MAST4: variants seen among roughly 807,000 people sequenced by gnomAD.
MAST4 encodes microtubule associated serine/threonine kinase family member 4.
A neutral mutation model predicts 162.7 loss-of-function variants in MAST4; 89 were observed. The ratio of observed to expected loss-of-function variants is 0.55; its 90% CI spans 0.46 to 0.65. The LOEUF (loss-of-function observed/expected upper bound fraction) is 0.65, where lower values mean the gene tolerates loss of function less well. Among genes scored for constraint, MAST4 ranks in the 30% least tolerant of loss-of-function variants. The pLI, the probability that MAST4 is intolerant of heterozygous loss-of-function variation, is 0.00. For synonymous variants in MAST4, 1,479 were observed against 1,361.1 expected (o/e 1.09, Z -1.91); for missense variants, 3,153 against 3,374.0 (o/e 0.93, Z 1.62).
At position 66,947,886 on chromosome 5, in the gene MAST4, A is replaced by T. The variant is rs567987544; in HGVS notation, c.674+47904A>T. On this transcript the variant is annotated intron_variant, in intron 4 of 28. Transcript: ENST00000403625. Reference sequence around the variant, plus strand: ...ATGTGAGGAGGCAGCATGACACTGAAATTGGTGAAGATACATTAATACTTA... The same window carrying T: ...ATGTGAGGAGGCAGCATGACACTGATATTGGTGAAGATACATTAATACTTA... 9.2e-5 allele frequency among the ~76,000 whole-genome samples: 14 copies of T among 152,306 alleles called. 1 individual carries two copies. The South Asian group carries it at 2.9e-3, about 32-fold the overall frequency.
intron 3 of MAST4, among the ~76,000 whole-genome samples, chr5:66,843,380 G>A (rs1392953723): frequency 6.6e-6 from 1 of 152,126 alleles, no homozygotes; most frequent in Non-Finnish European, 1.5e-5. Context: ...TCTGTCATTT[G>A]ATCTACAAGT....
chr5:66,673,313 C>T (rs1580161363), intron 1 of MAST4, among the ~76,000 whole-genome samples: 2 of 151,984 alleles, frequency 1.3e-5, no homozygotes, highest in African/African-American at 4.8e-5. Flanking sequence ...TTATAGTCAT[C>T]AGTTTTATTG....
chr5:66,698,320 C>G (rs1002336838), intron 1 of MAST4, among the ~76,000 whole-genome samples: 7 of 152,036 alleles, frequency 4.6e-5, no homozygotes, highest in African/African-American at 1.7e-4. Context: ...TTCCCTCCTC[C>G]TCTCCTTGTC....
At chr5:67,156,907 T>C (rs1772605357) in intron 26 of MAST4, among the ~76,000 whole-genome samples, 1 of 152,264 alleles carries the variant, frequency 6.6e-6, no homozygotes, top group Non-Finnish European at 1.5e-5. Context: ...TGACTTCTGC[T>C]ATTGTATTCA....
chr5:66,921,950 C>T (rs535392365), intron 4 of MAST4, among the ~76,000 whole-genome samples: 5 of 152,248 alleles, frequency 3.3e-5, no homozygotes, highest in African/African-American at 1.2e-4. Context: ...ATGGTACCAT[C>T]TTAGATTGTC....
chr5:66,761,119 T>C (rs963309805), intron 2 of MAST4, among the ~76,000 whole-genome samples: 8 of 152,230 alleles, frequency 5.3e-5, no homozygotes, highest in African/African-American at 7.2e-5. Flanking sequence ...CAGTGTTACA[T>C]AGATGTATCA....
At chr5:66,602,737 C>T (rs1305005821) in intron 1 of MAST4, among the ~76,000 whole-genome samples, 1 of 152,140 alleles carries the variant, frequency 6.6e-6, no homozygotes, top group Admixed American at 6.5e-5. Flanking sequence ...TGGTTATGTT[C>T]TTACATTCTA....
At chr5:67,074,503 C>A (rs1761361019) in intron 5 of MAST4, among the ~76,000 whole-genome samples, 1 of 151,980 alleles carries the variant, frequency 6.6e-6, no homozygotes, top group African/African-American at 2.4e-5. Context: ...ATGTTAATTG[C>A]AGCATTAATT....
intron 2 of MAST4, 63 bp from the exon 3 acceptor site, chr5:66,788,607 C>CCAA: frequency 7.8e-5 from 107 of 1,373,244 alleles, no homozygotes; most frequent in Non-Finnish European, 9.7e-5. Context: ...CCCCCACCCC[C>CCAA]ATTGCAATAA....
intron 1 of MAST4, among the ~76,000 whole-genome samples, chr5:66,609,392 C>T (rs1342735706): frequency 1.6e-5 from 2 of 128,618 alleles, no homozygotes; most frequent in Non-Finnish European, 1.6e-5. Flanking sequence ...CAATGCACTA[C>T]TTTTTTTTTT....
At position 67,166,232 on chromosome 5, in the gene MAST4, C is replaced by G. The variant is rs1268802753; in HGVS notation, c.7053C>G (p.Asn2351Lys). The G allele has an allele frequency of 3.9e-6, 6 of 1,551,698 alleles. No homozygotes were observed. The highest frequency in any genetic ancestry group is 1.7e-4 in the Middle Eastern group (1 of 5,994). Residue 2351 changes from asparagine to lysine, a missense_variant, in exon 29 of 29, where the codon AAC (asparagine) becomes AAG (lysine). Transcript: ENST00000403625. ...CCACCCTGTGCAAACAGACAGACAA[C>G]AGACAGACAGACAAAAGCCCGAGTC... ...DCPTLCKQTD[N>K]RQTDKSPSQP...
intron 2 of MAST4, among the ~76,000 whole-genome samples, chr5:66,763,571 T>C (rs1471902932): frequency 2.0e-5 from 3 of 152,120 alleles, no homozygotes; most frequent in Non-Finnish European, 4.4e-5. Flanking sequence ...GCACATAAAA[T>C]GGAAAACAAT....
intron 1 of MAST4, among the ~76,000 whole-genome samples, chr5:66,719,510 A>G (rs1751063733): frequency 6.6e-6 from 1 of 152,076 alleles, no homozygotes; most frequent in South Asian, 2.1e-4. Context: ...ATCTTGTCCT[A>G]TTGTTCAGTG....
intron 1 of MAST4, among the ~76,000 whole-genome samples, chr5:66,622,213 G>C (rs1236760982): frequency 6.6e-6 from 1 of 152,168 alleles, no homozygotes; most frequent in Non-Finnish European, 1.5e-5. Flanking sequence ...TGAACAAGAT[G>C]ATGTGTTTGG....
chr5:67,057,800 A>C (rs779886543), intron 5 of MAST4, among the ~76,000 whole-genome samples: 3 of 152,122 alleles, frequency 2.0e-5, no homozygotes, highest in African/African-American at 7.2e-5. Context: ...CCCATGACTG[A>C]TTGCCAGTTT....
chr5:66,614,527 G>A (rs1018989293), intron 1 of MAST4, among the ~76,000 whole-genome samples: 9 of 152,122 alleles, frequency 5.9e-5, no homozygotes, highest in African/African-American at 2.2e-4. Flanking sequence ...TCTAGAATTC[G>A]TTGAGTCTTG....
intron 1 of MAST4, among the ~76,000 whole-genome samples, chr5:66,646,511 A>G (rs1745847749): frequency 6.6e-6 from 1 of 152,222 alleles, no homozygotes; most frequent in Admixed American, 6.5e-5. Flanking sequence ...ATGTAGTAAT[A>G]ACAAAAACAC....
At chr5:66,721,844 A>G (rs1395350084) in intron 1 of MAST4, among the ~76,000 whole-genome samples, 2 of 151,894 alleles carry the variant, frequency 1.3e-5, no homozygotes, top group Admixed American at 6.6e-5. Context: ...TCATCTTGCT[A>G]GTTGCTGAGG....
At chr5:67,072,409 T>C (rs1354959918) in intron 5 of MAST4, among the ~76,000 whole-genome samples, 1 of 152,232 alleles carries the variant, frequency 6.6e-6, no homozygotes, top group Non-Finnish European at 1.5e-5. Context: ...GAGAAATCCA[T>C]AATGTAGAAA....
Sources: gnomAD v4.1 joint callset for allele counts (sites outside exome capture counted in the v4.1 genomes callset) on GRCh38, gnomAD v4.1.1 for gene constraint, MANE v1.5 for transcripts, NCBI Gene and HGNC (gene_info 2026-07-23, HGNC 2026-07-21) for gene names.